Variants in LARS1 observed in about 807,000 individuals in gnomAD.
LARS1 encodes the protein leucyl-tRNA synthetase 1.
In LARS1, 100 loss-of-function variants were observed where a neutral mutation model predicts 162.8. The observed-to-expected ratio is 0.61, with a 90% confidence interval of 0.52 to 0.73. The LOEUF (loss-of-function observed/expected upper bound fraction) is 0.73. Among genes scored for constraint, LARS1 ranks in the 30% least tolerant of loss-of-function variants. The pLI is 0.00. For missense variants in LARS1, 1,258 were observed against 1,408.9 expected (o/e 0.89, Z 1.71); for synonymous variants, 457 against 462.8 (o/e 0.99, Z 0.16).
intron 2 of LARS1, among the ~76,000 whole-genome samples, chr5:146,174,589 T>TATATATATATATATATATATCC (rs1754465726): frequency 2.0e-4 from 1 of 4,916 alleles, no homozygotes; most frequent in African/African-American, 3.4e-4. Flanking sequence ...TATATATCCA[T>TATATATATATATATATATATCC]ATATATATAT....
chr5:146,124,212 G>C (rs1396292720), intron 28 of LARS1, 126 bp from the exon 29 acceptor site: 2 of 601,402 alleles, frequency 3.3e-6, no homozygotes, highest in Non-Finnish European at 5.9e-6. Flanking sequence ...TTAAAGGAAA[G>C]GCCTTGGACT....
At chr5:146,177,703 A>G (rs1413585142) in intron 1 of LARS1, 38 bp from the exon 2 acceptor site, 1 of 1,094,280 alleles carries the variant, frequency 9.1e-7, no homozygotes, top group Non-Finnish European at 1.4e-6. Context: ...TCTGTATTTC[A>G]GCACGCTTGC....
chr5:146,181,862 T>C lies in LARS1; in HGVS notation c.6+626A>G, dbSNP rs1211532501. Among the ~76,000 whole-genome samples the C allele has an allele frequency of 6.6e-5, 9 of 135,478 alleles. 1 individual carries two copies. Among genetic ancestry groups the C allele is most frequent in the Admixed American group, 4.9e-4 (6 of 12,228 alleles). The allele number at this position is 135,478 out of a possible 152,430, so 88.9% of individuals were successfully genotyped here. A position where few individuals can be genotyped will look rare whatever the true frequency, so the allele number is the denominator to read the frequency against. ...CTCAATTTTTTCTTTTTTTTTTTTTTTTTTTTTTTTTTTTTTTGCTGTAAG... is the reference window on the plus strand; with the variant it reads ...CTCAATTTTTTCTTTTTTTTTTTTTCTTTTTTTTTTTTTTTTTGCTGTAAG... On this transcript the variant is annotated intron_variant, in intron 1 of 31. Coordinates refer to ENST00000394434, the MANE Select transcript of LARS1 (RefSeq NM_020117.11).
chr5:146,168,486 G>A (rs571760863), intron 4 of LARS1, among the ~76,000 whole-genome samples: 4 of 152,254 alleles, frequency 2.6e-5, no homozygotes, highest in African/African-American at 9.6e-5. Context: ...TCACTTGTCA[G>A]GAGTTCGAGA....
chr5:146,160,321 C>T (rs1309544290), intron 7 of LARS1, 53 bp downstream of exon 7: 20 of 989,602 alleles, frequency 2.0e-5, no homozygotes, highest in South Asian at 1.5e-4. Flanking sequence ...CAGGCGTGAG[C>T]CTCTGTGCCC....
chr5:146,147,636 A>G (rs1561814945), intron 15 of LARS1, among the ~76,000 whole-genome samples: 1 of 152,214 alleles, frequency 6.6e-6, no homozygotes, highest in Non-Finnish European at 1.5e-5. Context: ...GCTCAGGAAG[A>G]AAATGATGAG....
rs1405375394 is a variant in LARS1 at position 146,130,394 on chromosome 5, G to C, written c.2488-236C>G. The C allele has an allele frequency of 1.8e-5, 9 of 493,582 alleles. No individual in the cohort carries two copies. In the Admixed American group the frequency reaches 3.4e-4, roughly 18 times the overall value. The allele number at this position is 493,582 out of a possible 1,614,324, so 30.6% of individuals were successfully genotyped here. A position where few individuals can be genotyped will look rare whatever the true frequency, so the allele number is the denominator to read the frequency against. ...AAAAGAATTTTTTTACAGACAGTTT[G>C]TAACTGAGACATAAAAGTTGAACAA... On this transcript the variant is annotated intron_variant, in intron 24 of 31. Transcript: ENST00000394434.
At chr5:146,130,946 A>G in intron 24 of LARS1, 73 bp downstream of exon 24, 1 of 806,740 alleles carries the variant, frequency 1.2e-6, no homozygotes, top group South Asian at 2.0e-5. Context: ...CTATAGCAGG[A>G]AGAAAAAAGG....
intron 12 of LARS1, 95 bp from the exon 13 acceptor site, chr5:146,153,322 T>A: frequency 1.1e-6 from 1 of 908,264 alleles, no homozygotes; most frequent in Non-Finnish European, 1.7e-6. Flanking sequence ...AAAGTTTCTT[T>A]AAAGTTTCTA....
rs1270909639 is a variant in LARS1 at position 146,140,079 on chromosome 5, T to G, written c.2148+125A>C. 1.6e-5 allele frequency: 12 copies of G among 733,604 alleles called. No homozygotes were observed. In the Admixed American group the frequency reaches 3.1e-4, roughly 19 times the overall value. 45.4% of individuals were successfully genotyped at this position (733,604 alleles called of 1,614,324 possible). A position where few individuals can be genotyped will look rare whatever the true frequency, so the allele number is the denominator to read the frequency against. On this transcript the variant is annotated intron_variant, in intron 21 of 31. Coordinates refer to ENST00000394434, the MANE Select transcript of LARS1 (RefSeq NM_020117.11). ...ACCTTGGCCTCCCAAAGCTCTGGAA[T>G]TACAGGCATGAGGCACCACACCTGG...
intron 31 of LARS1, among the ~76,000 whole-genome samples, chr5:146,119,532 A>G (rs1334559645): frequency 6.6e-6 from 1 of 152,180 alleles, no homozygotes; most frequent in Non-Finnish European, 1.5e-5. Context: ...AAAAAGAAAA[A>G]AGACAGATAA....
intron 7 of LARS1, 90 bp from the exon 8 acceptor site, chr5:146,159,560 T>C (rs13182567): frequency 1.1e-6 from 1 of 911,114 alleles, no homozygotes; most frequent in Non-Finnish European, 1.8e-6. Flanking sequence ...ATTTCTTACA[T>C]GTCTTGCAAC....
In LARS1 at chr5:146,130,024, C is replaced by G; in HGVS notation, c.2622G>C (p.Leu874=). The G allele has an allele frequency of 6.2e-7, 1 of 1,607,358 alleles. No homozygotes were observed. Among genetic ancestry groups the G allele is most frequent in the Non-Finnish European group, 8.5e-7 (1 of 1,178,196 alleles). ...TTTAAATGCATGAAGGTACCTTTCC[C>G]AGGAGTGTCCAGATGTGCTCACACA... ...PHLCEHIWTL[L]GKPDSIMNAS... Residue 874 remains leucine, a synonymous_variant, in exon 25 of 32, where the codon CTG becomes CTC. Coordinates refer to ENST00000394434, the MANE Select transcript of LARS1 (RefSeq NM_020117.11).
At chr5:146,181,848 C>CTTTTTTTTTTTTTTTTTTTTTT (rs34658033) in intron 1 of LARS1, among the ~76,000 whole-genome samples, 2 of 53,040 alleles carry the variant, frequency 3.8e-5, no homozygotes, top group Non-Finnish European at 6.6e-5. Flanking sequence ...TCAATTTTTT[C>CTTTTTTTTTTTTTTTTTTTTTT]TTTTTTTTTT....
At chr5:146,151,392 C>T (rs747385102) in intron 14 of LARS1, among the ~76,000 whole-genome samples, 1 of 152,136 alleles carries the variant, frequency 6.6e-6, no homozygotes, top group Non-Finnish European at 1.5e-5. Flanking sequence ...ATATAAACCA[C>T]ATTAACATAT....
At chr5:146,174,104 A>G (rs372368922) in intron 2 of LARS1, among the ~76,000 whole-genome samples, 2 of 148,512 alleles carry the variant, frequency 1.3e-5, no homozygotes, top group South Asian at 4.3e-4. Flanking sequence ...AGCTTCAAGT[A>G]TAACACCAGA....
rs1753311118 is a variant in LARS1 at position 146,151,974 on chromosome 5, C to T, written c.1313G>A (p.Gly438Glu). Residue 438 changes from glycine to glutamate, a missense_variant, in exon 14 of 32, where the codon GGA becomes GAA. Gly to Glu is a moderately conservative substitution (Grantham distance 98). Transcript: ENST00000394434. ...PVPVIEIPGF[G>E]NLSAVTICDE... Reference sequence around the variant, plus strand: ...ACAAATGGTTACAGCAGAAAGATTTCCAAAACCTGGGATTTCAATGACTGG... The same window carrying T: ...ACAAATGGTTACAGCAGAAAGATTTTCAAAACCTGGGATTTCAATGACTGG... 1 of 1,613,936 alleles carries T rather than the reference C, an allele frequency of 6.2e-7. No homozygotes were observed. Among genetic ancestry groups the T allele is most frequent in the Non-Finnish European group, 8.5e-7 (1 of 1,180,028 alleles).
In LARS1 at chr5:146,141,978, C is replaced by T. The variant is rs144141507; in HGVS notation, c.2090+894G>A. On this transcript the variant is annotated intron_variant, in intron 20 of 31. Transcript: ENST00000394434. The stretch of plus-strand genomic sequence containing the variant: ...GAGTTTGAGACCAGCCTGGCTAACA[C>T]GGTTAAACCCCGTCTCTACTAAAAA... Among the ~76,000 whole-genome samples, 117 of 152,116 alleles carry T rather than the reference C, an allele frequency of 7.7e-4. 1 individual carries two copies. The highest frequency in any genetic ancestry group is 2.7e-3 in the African/African-American group (111 of 41,522).
chr5:146,182,303 G>A (rs1754906097), intron 1 of LARS1, 185 bp downstream of exon 1: 1 of 726,460 alleles, frequency 1.4e-6, no homozygotes, highest in Admixed American at 2.3e-5. Context: ...ACTCCGTAAA[G>A]TTAACAGACA....
Sources: gnomAD v4.1 joint callset for allele counts (sites outside exome capture counted in the v4.1 genomes callset) on GRCh38, gnomAD v4.1.1 for gene constraint, MANE v1.5 for transcripts, NCBI Gene and HGNC (gene_info 2026-07-23, HGNC 2026-07-21) for gene names.